Variants in AMOTL1 observed in about 807,000 individuals in gnomAD.
AMOTL1 encodes angiomotin-like protein 1.
Under a neutral mutation model 102.9 loss-of-function variants are expected in AMOTL1, and 45 were observed. The ratio of observed to expected loss-of-function variants is 0.44; its 90% CI spans 0.34 to 0.56. AMOTL1 has a LOEUF of 0.56. Among genes scored for constraint, AMOTL1 ranks in the 20% least tolerant of loss-of-function variants. The pLI, the probability that AMOTL1 is intolerant of heterozygous loss-of-function variation, is 0.01. For synonymous variants in AMOTL1, 481 were observed against 484.7 expected, an observed-to-expected ratio of 0.99 and a Z score of 0.10; for missense variants, 1,114 against 1,225.6, an observed-to-expected ratio of 0.91 and a Z score of 1.36.
At chr11:94,845,220 A>G (rs1952384171) in intron 6 of AMOTL1, among the ~76,000 whole-genome samples, 1 of 152,214 alleles carries the variant, frequency 6.6e-6, no homozygotes, top group Non-Finnish European at 1.5e-5. Flanking sequence ...CAGGGTGTCC[A>G]CTTGGAACCT....
chr11:94,810,831 G>GACACACAC (rs3995610), intron 3 of AMOTL1, among the ~76,000 whole-genome samples: 18 of 143,752 alleles, frequency 1.3e-4, no homozygotes, highest in African/African-American at 4.6e-4. Flanking sequence ...AAAAATAAAA[G>GACACACAC]ACACACACAC....
chr11:94,869,583 C>T (rs936378898), intron 12 of AMOTL1, 110 bp downstream of exon 12: 28 of 1,269,636 alleles, frequency 2.2e-5, no homozygotes, highest in Admixed American at 5.5e-5. Context: ...AGCTCTTACT[C>T]TATGGGGATG....
chr11:94,798,577 T>G (rs1951409907), intron 2 of AMOTL1, among the ~76,000 whole-genome samples: 1 of 152,032 alleles, frequency 6.6e-6, no homozygotes, highest in African/African-American at 2.4e-5. Context: ...CTGGCAGTTG[T>G]AGATGTATGG....
At chr11:94,716,576 A>AATGCT (rs1950101575) in intron 1 of AMOTL1, among the ~76,000 whole-genome samples, 2 of 152,206 alleles carry the variant, frequency 1.3e-5, no homozygotes, top group Middle Eastern at 6.8e-3. Flanking sequence ...GAGTTCTTGC[A>AATGCT]ATGCTAATAG....
chr11:94,736,949 T>G (rs931733421), intron 2 of AMOTL1, among the ~76,000 whole-genome samples: 6 of 152,210 alleles, frequency 3.9e-5, no homozygotes, highest in Non-Finnish European at 5.9e-5. Context: ...TTAATTAATA[T>G]GAAACATTAT....
chr11:94,847,126 T>A (rs978056193), intron 6 of AMOTL1, among the ~76,000 whole-genome samples: 7 of 152,198 alleles, frequency 4.6e-5, no homozygotes, highest in Non-Finnish European at 1.0e-4. Flanking sequence ...TTCAGAGGTC[T>A]ACAAAACACC....
At chr11:94,756,271 A>C (rs1287357611) in intron 3 of AMOTL1, among the ~76,000 whole-genome samples, 1 of 152,064 alleles carries the variant, frequency 6.6e-6, no homozygotes. Flanking sequence ...GGGTGCAAAA[A>C]CAGAAATGCC....
At chr11:94,728,941 T>C in exon 2 of AMOTL1, 1 of 1,276,462 alleles carries the variant, frequency 7.8e-7, no homozygotes, top group South Asian at 1.3e-5. Flanking sequence ...CCATTTGATC[T>C]GAAAGCTATA....
At chr11:94,869,160 A>G (rs1212172818) in intron 11 of AMOTL1, 38 bp from the exon 12 acceptor site, 58 of 1,521,532 alleles carry the variant, frequency 3.8e-5, no homozygotes, top group Non-Finnish European at 4.8e-5. Flanking sequence ...AAAAAAAAGG[A>G]AAAAAAGAAT....
rs146103705 is a variant in AMOTL1 at position 94,819,446 on chromosome 11, T to G, written c.1122-2084T>G. Among the ~76,000 whole-genome samples the G allele has an allele frequency of 4.2e-3, 633 of 152,356 alleles. 12 individuals are homozygous for G. Among genetic ancestry groups the G allele is most frequent in the South Asian group, 0.035 (168 of 4,826 alleles). ...ATGTGATTAGTTCCTCTGCCCTATT[T>G]TTTTACTAAGCCAGACTAAGGTGTA... On this transcript the variant is annotated intron_variant, in intron 3 of 12. Transcript: ENST00000433060.
chr11:94,749,311 C>T (rs1950623537), intron 3 of AMOTL1, among the ~76,000 whole-genome samples: 1 of 152,022 alleles, frequency 6.6e-6, no homozygotes, highest in African/African-American at 2.4e-5. Flanking sequence ...AGCGTCCCAG[C>T]TCTTGAAGAG....
At chr11:94,728,179 A>G (rs1950290165) in intron 1 of AMOTL1, among the ~76,000 whole-genome samples, 1 of 152,086 alleles carries the variant, frequency 6.6e-6, no homozygotes, top group African/African-American at 2.4e-5. Context: ...CGTTATCAAG[A>G]TCTCTTTGTA....
intron 6 of AMOTL1, among the ~76,000 whole-genome samples, chr11:94,834,473 GC>G (rs1952132608): frequency 1.3e-5 from 2 of 152,092 alleles, no homozygotes; most frequent in Non-Finnish European, 2.9e-5. Flanking sequence ...TGTAGTCCCA[GC>G]TACTCGGGGT....
chr11:94,762,221 AG>A (rs973069137), intron 3 of AMOTL1, among the ~76,000 whole-genome samples: 14 of 152,382 alleles, frequency 9.2e-5, no homozygotes, highest in African/African-American at 2.6e-4. Flanking sequence ...AGCTGCTATT[AG>A]TATGCAATTA....
At chr11:94,813,386 G>A (rs1951714687) in intron 3 of AMOTL1, among the ~76,000 whole-genome samples, 1 of 152,126 alleles carries the variant, frequency 6.6e-6, no homozygotes, top group Non-Finnish European at 1.5e-5. Flanking sequence ...ATTTCCTTAG[G>A]CCTTCAATTT....
chr11:94,722,624 A>T (rs539602966), intron 1 of AMOTL1, among the ~76,000 whole-genome samples: 11 of 152,288 alleles, frequency 7.2e-5, no homozygotes, highest in African/African-American at 2.6e-4. Context: ...ATTTGTCTCC[A>T]AAGTCCTTGC....
At chr11:94,855,992 G>A (rs151204398) in intron 8 of AMOTL1, among the ~76,000 whole-genome samples, 2 of 152,290 alleles carry the variant, frequency 1.3e-5, no homozygotes, top group East Asian at 1.9e-4. Context: ...ACATGAGACC[G>A]AAGAGGAGGA....
At chr11:94,856,413 G>A (rs2135721925) in intron 8 of AMOTL1, among the ~76,000 whole-genome samples, 1 of 152,102 alleles carries the variant, frequency 6.6e-6, no homozygotes, top group East Asian at 1.9e-4. Flanking sequence ...TGTGTAAAGG[G>A]CAAAGTGTAT....
chr11:94,759,772 G>A (rs367787364), intron 3 of AMOTL1, among the ~76,000 whole-genome samples: 2 of 152,272 alleles, frequency 1.3e-5, no homozygotes, highest in African/African-American at 4.8e-5. Flanking sequence ...TGGTTCAGAG[G>A]AGACACTCCA....
Sources: allele counts gnomAD v4.1 joint callset (sites outside exome capture counted in the v4.1 genomes callset), GRCh38; gene constraint gnomAD v4.1.1; transcripts MANE v1.5; gene names NCBI Gene and HGNC (gene_info 2026-07-23, HGNC 2026-07-21).